ARMC2: variants seen among roughly 807,000 people sequenced by gnomAD.
ARMC2 encodes the protein armadillo repeat containing 2, also known as armadillo repeat-containing protein 2.
A neutral mutation model predicts 90.3 loss-of-function variants in ARMC2; 67 were observed. The ratio of observed to expected loss-of-function variants is 0.74; its 90% CI spans 0.61 to 0.91. The LOEUF (loss-of-function observed/expected upper bound fraction) is 0.91. Ranked by LOEUF, ARMC2 falls within the 40% of genes least tolerant of loss-of-function variation. The probability of loss-of-function intolerance (pLI) is 0.00; values close to 1 mark genes in which losing one functional copy is unlikely to be tolerated. For missense variants in ARMC2, 920 were observed against 1,030.9 expected, an observed-to-expected ratio of 0.89 and a Z score of 1.47; for synonymous variants, 393 against 393.0, an observed-to-expected ratio of 1.00 and a Z score of 0.00.
chr6:108,890,283 A>G (rs995771866), intron 5 of ARMC2, among the ~76,000 whole-genome samples: 4 of 149,558 alleles, frequency 2.7e-5, no homozygotes, highest in African/African-American at 7.5e-5. Context: ...GGGCAATGCC[A>G]TGCACATTCT....
At chr6:108,901,186 T>C (rs1203607625) in intron 7 of ARMC2, among the ~76,000 whole-genome samples, 1 of 130,542 alleles carries the variant, frequency 7.7e-6, no homozygotes, top group African/African-American at 2.9e-5. Flanking sequence ...CAATCTCGGC[T>C]CACTGCAACC....
chr6:109,002,390 ATGAAC>A, the ARMC2 span: 1 of 1,469,814 alleles, frequency 6.8e-7, no homozygotes, highest in Admixed American at 1.7e-5. Flanking sequence ...AGTAAACAAA[ATGAAC>A]TGAGGCTAAA....
At chr6:108,904,752 G>T (rs1325392693) in intron 8 of ARMC2, among the ~76,000 whole-genome samples, 1 of 152,148 alleles carries the variant, frequency 6.6e-6, no homozygotes, top group African/African-American at 2.4e-5. Flanking sequence ...TAACTTGACT[G>T]GAGATCAGTA....
intron 12 of ARMC2, among the ~76,000 whole-genome samples, chr6:108,944,647 G>A (rs559918910): frequency 2.0e-5 from 3 of 152,326 alleles, no homozygotes; most frequent in African/African-American, 7.2e-5. Flanking sequence ...TTTTGAGACA[G>A]TTCAGTATAT....
intron 5 of ARMC2, among the ~76,000 whole-genome samples, chr6:108,879,289 C>G (rs1441381121): frequency 6.6e-6 from 1 of 151,562 alleles, no homozygotes; most frequent in Non-Finnish European, 1.5e-5. Context: ...TTCATCCATC[C>G]ATCTATCCAT....
At chr6:109,034,275 A>C in the ARMC2 span, among the ~76,000 whole-genome samples, 1 of 152,152 alleles carries the variant, frequency 6.6e-6, no homozygotes. Context: ...TTAGGTATTG[A>C]TGTATTTTTT....
intron 12 of ARMC2, among the ~76,000 whole-genome samples, chr6:108,950,092 G>C (rs1777073112): frequency 6.6e-6 from 1 of 152,126 alleles, no homozygotes; most frequent in East Asian, 1.9e-4. Flanking sequence ...TGTAATCCCA[G>C]CTACTTGGGA....
chr6:109,008,851 C>T, the ARMC2 span: 1 of 985,724 alleles, frequency 1.0e-6, no homozygotes, highest in African/African-American at 1.7e-5. Context: ...TTCCAGGCAA[C>T]ATCATCTCTT....
At chr6:108,921,324 A>T (rs1221284118) in intron 10 of ARMC2, among the ~76,000 whole-genome samples, 1 of 152,222 alleles carries the variant, frequency 6.6e-6, no homozygotes, top group East Asian at 1.9e-4. Flanking sequence ...CAAATGTTAA[A>T]TAGAGTCTCA....
intron 11 of ARMC2, 126 bp from the exon 12 acceptor site, chr6:108,936,774 T>C: frequency 2.6e-6 from 2 of 767,806 alleles, no homozygotes; most frequent in Non-Finnish European, 2.1e-6. Context: ...GTGTAGAGTA[T>C]TTTTAGACTC....
At chr6:109,049,734 T>C in the ARMC2 span, among the ~76,000 whole-genome samples, 2 of 150,202 alleles carry the variant, frequency 1.3e-5, no homozygotes, top group African/African-American at 4.9e-5. Flanking sequence ...TATTGATGTA[T>C]AATATATATT....
the ARMC2 span, among the ~76,000 whole-genome samples, chr6:109,022,188 G>A: frequency 1.3e-5 from 2 of 152,018 alleles, no homozygotes; most frequent in Non-Finnish European, 2.9e-5. Context: ...CTGGACTGAG[G>A]AATGAAGAAT....
At chr6:109,018,021 A>T in the ARMC2 span, among the ~76,000 whole-genome samples, 2 of 152,182 alleles carry the variant, frequency 1.3e-5, no homozygotes, top group East Asian at 3.9e-4. Context: ...AACAATAATA[A>T]GAAGAAGAAA....
chr6:108,978,275 G>A (rs1779023776), downstream of ARMC2, among the ~76,000 whole-genome samples: 1 of 152,162 alleles, frequency 6.6e-6, no homozygotes, highest in Non-Finnish European at 1.5e-5. Flanking sequence ...TCATTCAGGA[G>A]CAGGTTGTTC....
At chr6:108,983,167 C>A in the ARMC2 span, among the ~76,000 whole-genome samples, 1 of 152,296 alleles carries the variant, frequency 6.6e-6, no homozygotes, top group East Asian at 1.9e-4. Flanking sequence ...TTCATATATT[C>A]TGGATATTAA....
the ARMC2 span, chr6:109,001,314 G>A: frequency 6.2e-7 from 1 of 1,613,748 alleles, no homozygotes; most frequent in Admixed American, 1.7e-5. Flanking sequence ...TGACGATAAT[G>A]TAGGGGTAAC....
chr6:108,940,511 ATCT>A (rs1320727292), intron 12 of ARMC2, among the ~76,000 whole-genome samples: 3 of 152,236 alleles, frequency 2.0e-5, no homozygotes, highest in Non-Finnish European at 4.4e-5. Flanking sequence ...CCCCAACCTA[ATCT>A]TCTTATTATA....
chr6:109,039,600 T>C, the ARMC2 span, among the ~76,000 whole-genome samples: 2 of 152,218 alleles, frequency 1.3e-5, no homozygotes, highest in Admixed American at 6.5e-5. Flanking sequence ...ACATCTCAAG[T>C]GGAGGGGTCA....
At chr6:108,859,816 C>T (rs768933257) in intron 3 of ARMC2, among the ~76,000 whole-genome samples, 46 of 152,206 alleles carry the variant, frequency 3.0e-4, no homozygotes, top group Non-Finnish European at 5.3e-4. Context: ...ACCATCCTGA[C>T]CAACATGGTG....
Sources: allele counts gnomAD v4.1 joint callset (sites outside exome capture counted in the v4.1 genomes callset), GRCh38; gene constraint gnomAD v4.1.1; transcripts MANE v1.5; gene names NCBI Gene and HGNC (gene_info 2026-07-23, HGNC 2026-07-21).